LUZP2: variants seen among roughly 807,000 people sequenced by gnomAD.
LUZP2 encodes the protein leucine zipper protein 2.
LUZP2 carries 52 observed loss-of-function variants against 51.6 expected under a neutral mutation model. The ratio of observed to expected loss-of-function variants is 1.01; its 90% CI spans 0.81 to 1.27. The LOEUF is 1.27. Ranked by LOEUF, LUZP2 falls within the 50% of genes most tolerant of loss-of-function variation. The pLI, the probability that LUZP2 is intolerant of heterozygous loss-of-function variation, is 0.00. For missense variants in LUZP2, 436 were observed against 395.4 expected, an observed-to-expected ratio of 1.10 and a Z score of -0.87; for synonymous variants, 154 against 137.3, an observed-to-expected ratio of 1.12 and a Z score of -0.85.
At chr11:24,836,117 T>C (rs533685816) in intron 5 of LUZP2, among the ~76,000 whole-genome samples, 1 of 151,968 alleles carries the variant, frequency 6.6e-6, no homozygotes, top group Non-Finnish European at 1.5e-5. Flanking sequence ...ATAATGATCA[T>C]GTATAAATCT....
chr11:25,043,500 C>T (rs1858143282), intron 9 of LUZP2, among the ~76,000 whole-genome samples: 1 of 151,744 alleles, frequency 6.6e-6, no homozygotes, highest in East Asian at 2.0e-4. Flanking sequence ...AAAAAGCACA[C>T]TGCGATTTAG....
At chr11:25,002,163 C>T (rs1371672855) in intron 9 of LUZP2, among the ~76,000 whole-genome samples, 4 of 152,196 alleles carry the variant, frequency 2.6e-5, no homozygotes, top group Non-Finnish European at 5.9e-5. Context: ...TGGGTAAATG[C>T]CACTAGTTCT....
intron 5 of LUZP2, among the ~76,000 whole-genome samples, chr11:24,764,627 G>T (rs1040541421): frequency 6.6e-6 from 1 of 151,752 alleles, no homozygotes; most frequent in South Asian, 2.1e-4. Context: ...TCATGTCACT[G>T]AATTTCAGCC....
At chr11:24,826,133 G>A (rs1331387618) in intron 5 of LUZP2, among the ~76,000 whole-genome samples, 15 of 132,810 alleles carry the variant, frequency 1.1e-4, no homozygotes, top group South Asian at 2.3e-4. Flanking sequence ...CCGAGATCGC[G>A]CCACTGCACT....
chr11:24,598,453 G>A (rs903125497), intron 1 of LUZP2, among the ~76,000 whole-genome samples: 1 of 151,936 alleles, frequency 6.6e-6, no homozygotes, highest in Non-Finnish European at 1.5e-5. Flanking sequence ...GTAATAGAGG[G>A]CTTCTATAGA....
chr11:24,621,577 T>C (rs1006372481), intron 1 of LUZP2, among the ~76,000 whole-genome samples: 1 of 152,204 alleles, frequency 6.6e-6, no homozygotes, highest in Non-Finnish European at 1.5e-5. Flanking sequence ...ATTCTCTCTG[T>C]CATTAATTGA....
intron 1 of LUZP2, among the ~76,000 whole-genome samples, chr11:24,664,889 T>G (rs1037937099): frequency 2.6e-5 from 4 of 152,112 alleles, no homozygotes; most frequent in African/African-American, 9.7e-5. Flanking sequence ...AGTAGGGCAG[T>G]GCAGAAGGGA....
At chr11:24,581,361 C>T (rs953708615) in intron 1 of LUZP2, among the ~76,000 whole-genome samples, 1 of 152,102 alleles carries the variant, frequency 6.6e-6, no homozygotes, top group African/African-American at 2.4e-5. Flanking sequence ...AATAATCTAA[C>T]ATCAATGGGA....
At chr11:24,895,177 C>A (rs890346288) in intron 5 of LUZP2, among the ~76,000 whole-genome samples, 1 of 151,912 alleles carries the variant, frequency 6.6e-6, no homozygotes, top group Non-Finnish European at 1.5e-5. Context: ...GGAAGTTTAC[C>A]CTGAAACAAA....
At chr11:24,938,964 A>G (rs7481112) in intron 7 of LUZP2, among the ~76,000 whole-genome samples, 75,697 of 151,922 alleles carry the variant, frequency 0.5, 19,266 homozygotes, top group East Asian at 0.83. Context: ...TCTACACTTC[A>G]AACAAGCCCC....
At chr11:24,754,716 C>T (rs1859709072) in intron 4 of LUZP2, among the ~76,000 whole-genome samples, 1 of 152,166 alleles carries the variant, frequency 6.6e-6, no homozygotes, top group South Asian at 2.1e-4. Flanking sequence ...TTTACAGTGG[C>T]TTTTATCCAC....
chr11:24,649,566 G>A (rs1354619768), intron 1 of LUZP2, among the ~76,000 whole-genome samples: 1 of 151,978 alleles, frequency 6.6e-6, no homozygotes, highest in Non-Finnish European at 1.5e-5. Context: ...TAATGACATT[G>A]AAGTCTGAGC....
At chr11:24,767,255 G>A (rs898925713) in intron 5 of LUZP2, among the ~76,000 whole-genome samples, 1 of 152,040 alleles carries the variant, frequency 6.6e-6, no homozygotes, top group Non-Finnish European at 1.5e-5. Flanking sequence ...CAGTAACTTT[G>A]TAATCTAAGT....
At chr11:24,588,097 A>T (rs182478330) in intron 1 of LUZP2, among the ~76,000 whole-genome samples, 1 of 152,268 alleles carries the variant, frequency 6.6e-6, no homozygotes, top group Non-Finnish European at 1.5e-5. Flanking sequence ...ATTTTTTAAT[A>T]AATCTATTTA....
At chr11:24,777,382 G>T (rs1042400311) in intron 5 of LUZP2, among the ~76,000 whole-genome samples, 2 of 151,858 alleles carry the variant, frequency 1.3e-5, no homozygotes, top group Non-Finnish European at 2.9e-5. Flanking sequence ...GTAAATTCAT[G>T]CGGGGGGATC....
chr11:24,944,518 T>C (rs1854848747), intron 7 of LUZP2, among the ~76,000 whole-genome samples: 2 of 152,182 alleles, frequency 1.3e-5, no homozygotes, highest in South Asian at 4.1e-4. Flanking sequence ...AGAATTGATA[T>C]CCAGTAGAGA....
At chr11:24,606,191 G>A (rs1166221900) in intron 1 of LUZP2, among the ~76,000 whole-genome samples, 1 of 151,682 alleles carries the variant, frequency 6.6e-6, no homozygotes, top group Non-Finnish European at 1.5e-5. Context: ...ACATAAAGAT[G>A]ATCTCTAACT....
intron 9 of LUZP2, among the ~76,000 whole-genome samples, chr11:24,997,523 T>C (rs899111327): frequency 6.6e-6 from 1 of 152,208 alleles, no homozygotes; most frequent in Non-Finnish European, 1.5e-5. Context: ...ATATTAGCCC[T>C]TTGTCAGATG....
intron 1 of LUZP2, among the ~76,000 whole-genome samples, chr11:24,577,037 A>G (rs1247617547): frequency 6.6e-6 from 1 of 152,076 alleles, no homozygotes; most frequent in African/African-American, 2.4e-5. Context: ...AGAACATTTA[A>G]GCATCCATGC....
Sources: allele counts gnomAD v4.1 joint callset (sites outside exome capture counted in the v4.1 genomes callset), GRCh38; gene constraint gnomAD v4.1.1; transcripts MANE v1.5; gene names NCBI Gene and HGNC (gene_info 2026-07-23, HGNC 2026-07-21).